The following LSAMP variants were observed in gnomAD, a reference collection of about 807,000 sequenced individuals.
LSAMP encodes limbic system associated membrane protein.
LSAMP carries 7 observed loss-of-function variants against 38.6 expected under a neutral mutation model. That is an observed-to-expected ratio of 0.18 (90% CI 0.10 to 0.34). The LOEUF (loss-of-function observed/expected upper bound fraction) is 0.34. LSAMP is among the 10% of genes least tolerant of loss of function. The pLI, the probability that LSAMP is intolerant of heterozygous loss-of-function variation, is 1.00. For missense variants in LSAMP, 313 were observed against 420.0 expected, an observed-to-expected ratio of 0.75 and a Z score of 2.23; for synonymous variants, 154 against 166.8, an observed-to-expected ratio of 0.92 and a Z score of 0.59.
At chr3:115,819,990 C>T (rs1419162138) in intron 6 of LSAMP, among the ~76,000 whole-genome samples, 1 of 151,606 alleles carries the variant, frequency 6.6e-6, no homozygotes, top group Non-Finnish European at 1.5e-5. Flanking sequence ...TCACCTTTGT[C>T]CACGAGGTGG....
intron 6 of LSAMP, among the ~76,000 whole-genome samples, chr3:115,828,926 G>A (rs180782469): frequency 6.6e-6 from 1 of 152,260 alleles, no homozygotes; most frequent in African/African-American, 2.4e-5. Context: ...GACTGGTGCA[G>A]GCAGATCCAG....
At chr3:116,106,147 A>T (rs539319248) in intron 1 of LSAMP, among the ~76,000 whole-genome samples, 19 of 152,318 alleles carry the variant, frequency 1.2e-4, no homozygotes, top group African/African-American at 4.3e-4. Flanking sequence ...ATCTGATTAG[A>T]GAGTGCCTAA....
intron 1 of LSAMP, among the ~76,000 whole-genome samples, chr3:116,086,858 C>G (rs939238826): frequency 7.2e-5 from 11 of 152,118 alleles, no homozygotes; most frequent in Non-Finnish European, 1.6e-4. Context: ...TAGGAAAAGG[C>G]CACTCACTCA....
chr3:116,240,224 ATATC>A (rs1385888054), intron 1 of LSAMP, among the ~76,000 whole-genome samples: 1 of 152,232 alleles, frequency 6.6e-6, no homozygotes, highest in Non-Finnish European at 1.5e-5. Flanking sequence ...GACAAAAATG[ATATC>A]TATCATGCAT....
intron 1 of LSAMP, among the ~76,000 whole-genome samples, chr3:116,290,400 C>G (rs2047248706): frequency 6.6e-6 from 1 of 151,988 alleles, no homozygotes; most frequent in African/African-American, 2.4e-5. Context: ...GAATTCCCCC[C>G]CATCTTCCCC....
chr3:115,926,807 T>C (rs1275177884), intron 3 of LSAMP, among the ~76,000 whole-genome samples: 1 of 152,210 alleles, frequency 6.6e-6, no homozygotes, highest in Non-Finnish European at 1.5e-5. Context: ...ACTCCCTCAC[T>C]TCACTTGGTC....
chr3:116,225,588 G>A (rs2046333622), intron 1 of LSAMP, among the ~76,000 whole-genome samples: 1 of 152,116 alleles, frequency 6.6e-6, no homozygotes, highest in Admixed American at 6.5e-5. Flanking sequence ...TGGTATTGAG[G>A]CTATGTAGAA....
intron 3 of LSAMP, among the ~76,000 whole-genome samples, chr3:115,867,738 T>C (rs1223266027): frequency 1.3e-5 from 2 of 152,030 alleles, no homozygotes; most frequent in Non-Finnish European, 2.9e-5. Context: ...ATCAGTTTTG[T>C]TGGTGGTCAG....
At chr3:115,887,830 T>C (rs1225548759) in intron 3 of LSAMP, among the ~76,000 whole-genome samples, 1 of 151,856 alleles carries the variant, frequency 6.6e-6, no homozygotes, top group Non-Finnish European at 1.5e-5. Flanking sequence ...AGAATCTGCT[T>C]CACCTGGCTA....
chr3:116,057,801 C>T (rs1298360690), intron 2 of LSAMP, among the ~76,000 whole-genome samples: 1 of 152,096 alleles, frequency 6.6e-6, no homozygotes, highest in East Asian at 1.9e-4. Context: ...TACATGGGGG[C>T]ATACTTTCCC....
chr3:116,153,259 A>G (rs1327038463), intron 1 of LSAMP, among the ~76,000 whole-genome samples: 1 of 152,066 alleles, frequency 6.6e-6, no homozygotes, highest in Non-Finnish European at 1.5e-5. Context: ...CTTTTGGCTC[A>G]CTCTAGAACA....
chr3:115,902,719 C>G (rs1000928242), intron 3 of LSAMP, among the ~76,000 whole-genome samples: 1 of 152,088 alleles, frequency 6.6e-6, no homozygotes, highest in Non-Finnish European at 1.5e-5. Context: ...GACATACATA[C>G]AGCCAACAAG....
intron 5 of LSAMP, 148 bp downstream of exon 5, chr3:115,842,310 G>T (rs1256212480): frequency 3.4e-6 from 4 of 1,166,004 alleles, no homozygotes; most frequent in Admixed American, 3.1e-5. Context: ...AGGCCCCAAA[G>T]AATTTGATAA....
intron 1 of LSAMP, among the ~76,000 whole-genome samples, chr3:116,146,000 T>C (rs1051774020): frequency 1.3e-5 from 2 of 151,966 alleles, no homozygotes; most frequent in Non-Finnish European, 2.9e-5. Context: ...TTTAAAATTA[T>C]GAATTATTTA....
intron 3 of LSAMP, among the ~76,000 whole-genome samples, chr3:115,971,919 A>G (rs1370720078): frequency 6.6e-6 from 1 of 152,114 alleles, no homozygotes; most frequent in Non-Finnish European, 1.5e-5. Flanking sequence ...CTTTTATTGC[A>G]TTCAATTATC....
chr3:115,914,627 C>T (rs773494210), intron 3 of LSAMP, among the ~76,000 whole-genome samples: 1 of 152,178 alleles, frequency 6.6e-6, no homozygotes, highest in Non-Finnish European at 1.5e-5. Flanking sequence ...GAGAGGCTTC[C>T]TCTTTCCTCC....
chr3:116,336,127 C>T (rs2047917073), intron 1 of LSAMP, among the ~76,000 whole-genome samples: 2 of 151,830 alleles, frequency 1.3e-5, no homozygotes, highest in African/African-American at 4.8e-5. Context: ...GAATAAAGGA[C>T]CCAAATATCA....
At chr3:116,122,635 G>T (rs1410676633) in intron 1 of LSAMP, among the ~76,000 whole-genome samples, 1 of 152,176 alleles carries the variant, frequency 6.6e-6, no homozygotes, top group Non-Finnish European at 1.5e-5. Flanking sequence ...CCATTACTTA[G>T]AAAGTTGTGT....
intron 3 of LSAMP, among the ~76,000 whole-genome samples, chr3:116,012,299 A>T (rs189321238): frequency 1.5e-3 from 222 of 151,862 alleles, no homozygotes; most frequent in African/African-American, 4.5e-3. Context: ...TTTCTGTGTA[A>T]CTCCTCTCTG....
Sources: gnomAD v4.1 joint callset for allele counts (sites outside exome capture counted in the v4.1 genomes callset) on GRCh38, gnomAD v4.1.1 for gene constraint, MANE v1.5 for transcripts, NCBI Gene and HGNC (gene_info 2026-07-23, HGNC 2026-07-21) for gene names.